The following FLVCR2 variants were observed in gnomAD, a reference collection of about 807,000 sequenced individuals.
The protein encoded by FLVCR2 is FLVCR choline and putative heme transporter 2.
Under a neutral mutation model 48.9 loss-of-function variants are expected in FLVCR2, and 38 were observed. That is an observed-to-expected ratio of 0.78 (90% CI 0.60 to 1.02). FLVCR2 has a LOEUF of 1.02. Ranked by LOEUF, FLVCR2 falls within the 50% of genes least tolerant of loss-of-function variation. The pLI is 0.00. For synonymous variants in FLVCR2, 255 were observed against 257.0 expected (o/e 0.99, Z 0.07); for missense variants, 664 against 663.3 (o/e 1.00, Z -0.01).
chr14:75,608,985 C>T (rs1163523102), intron 1 of FLVCR2, among the ~76,000 whole-genome samples: 1 of 152,212 alleles, frequency 6.6e-6, no homozygotes, highest in Non-Finnish European at 1.5e-5. Context: ...CTCCAGCCAG[C>T]TTCCCTATGT....
At chr14:75,628,001 C>T (rs866334480) in intron 3 of FLVCR2, among the ~76,000 whole-genome samples, 1 of 152,226 alleles carries the variant, frequency 6.6e-6, no homozygotes, top group Non-Finnish European at 1.5e-5. Context: ...GAAACTGAGG[C>T]TCTAGAGTTT....
At chr14:75,618,233 T>A (rs1889665908) in intron 1 of FLVCR2, among the ~76,000 whole-genome samples, 1 of 152,148 alleles carries the variant, frequency 6.6e-6, no homozygotes, top group Non-Finnish European at 1.5e-5. Context: ...GTCATACTTT[T>A]TCAGAGGCCA....
chr14:75,595,133 G>A (rs1888986591), intron 1 of FLVCR2, among the ~76,000 whole-genome samples: 1 of 152,160 alleles, frequency 6.6e-6, no homozygotes, highest in Non-Finnish European at 1.5e-5. Flanking sequence ...GGATTATGTT[G>A]TATTTAGCCC....
At chr14:75,642,142 C>T (rs911958210) in intron 9 of FLVCR2, among the ~76,000 whole-genome samples, 1 of 152,214 alleles carries the variant, frequency 6.6e-6, no homozygotes, top group Non-Finnish European at 1.5e-5. Flanking sequence ...TTCTGGAGCC[C>T]CCGGCCTCAT....
intron 1 of FLVCR2, among the ~76,000 whole-genome samples, chr14:75,583,439 A>C (rs1013836337): frequency 6.6e-6 from 1 of 152,132 alleles, no homozygotes; most frequent in African/African-American, 2.4e-5. Context: ...GAGTGGGGTA[A>C]GAGTGATTAG....
intron 1 of FLVCR2, among the ~76,000 whole-genome samples, chr14:75,589,018 A>T (rs998893825): frequency 5.9e-5 from 9 of 152,140 alleles, no homozygotes; most frequent in Non-Finnish European, 1.2e-4. Context: ...CTCTGAACCT[A>T]TGAAATTAAC....
intron 1 of FLVCR2, among the ~76,000 whole-genome samples, chr14:75,596,499 A>C (rs10143164): frequency 6.6e-6 from 1 of 152,064 alleles, no homozygotes; most frequent in Non-Finnish European, 1.5e-5. Flanking sequence ...TTCAGCTCCC[A>C]CCAATCATTG....
intron 1 of FLVCR2, among the ~76,000 whole-genome samples, chr14:75,615,048 C>T (rs1398941177): frequency 6.6e-6 from 1 of 152,196 alleles, no homozygotes; most frequent in Non-Finnish European, 1.5e-5. Flanking sequence ...TGGCTAAGAA[C>T]AGTAGCTGAG....
intron 1 of FLVCR2, among the ~76,000 whole-genome samples, chr14:75,596,465 A>T (rs1315434636): frequency 6.6e-6 from 1 of 152,080 alleles, no homozygotes; most frequent in Non-Finnish European, 1.5e-5. Flanking sequence ...GAGAGTTTTC[A>T]TCCTATCTAA....
At chr14:75,602,556 G>T (rs905235621) in intron 1 of FLVCR2, among the ~76,000 whole-genome samples, 1 of 151,912 alleles carries the variant, frequency 6.6e-6, no homozygotes, top group Admixed American at 6.5e-5. Context: ...AAATCCCAAG[G>T]ATTTTTGTAG....
chr14:75,582,470 C>A (rs1594787441), intron 1 of FLVCR2, among the ~76,000 whole-genome samples: 1 of 152,120 alleles, frequency 6.6e-6, no homozygotes, highest in Non-Finnish European at 1.5e-5. Flanking sequence ...GTTATGAGAA[C>A]TGTAGAGAGT....
At chr14:75,595,597 G>A (rs1888998484) in intron 1 of FLVCR2, among the ~76,000 whole-genome samples, 1 of 152,192 alleles carries the variant, frequency 6.6e-6, no homozygotes, top group South Asian at 2.1e-4. Flanking sequence ...GGTCTTTCAA[G>A]GTCTGAGGGA....
chr14:75,589,976 T>C (rs1888842979), intron 1 of FLVCR2, among the ~76,000 whole-genome samples: 1 of 152,208 alleles, frequency 6.6e-6, no homozygotes, highest in African/African-American at 2.4e-5. Context: ...CGATTTTGTG[T>C]TGCCATAATA....
intron 1 of FLVCR2, among the ~76,000 whole-genome samples, chr14:75,602,426 GGTGACCAGCCCCC>G (rs1889187929): frequency 6.6e-6 from 1 of 152,104 alleles, no homozygotes; most frequent in African/African-American, 2.4e-5. Flanking sequence ...TGGTCTTTCT[GGTGACCAGCCCCC>G]TCCTGAGGCT....
chr14:75,638,797 C>G (rs1372603449), intron 5 of FLVCR2, among the ~76,000 whole-genome samples: 1 of 152,188 alleles, frequency 6.6e-6, no homozygotes, highest in Non-Finnish European at 1.5e-5. Context: ...TGGCTTCATA[C>G]TTTACTAGTC....
rs370927493 is a variant in FLVCR2 at position 75,602,040 on chromosome 14, T to A, written c.670-20039T>A. On this transcript the variant is annotated intron_variant, in intron 1 of 9. Transcript: ENST00000238667. ...ACTTTACTCACATTTCCTAGTTTATTATAAAGGATACAACTCAGGAACAGC... is the reference window on the plus strand; with the variant it reads ...ACTTTACTCACATTTCCTAGTTTATAATAAAGGATACAACTCAGGAACAGC... 9.2e-5 allele frequency among the ~76,000 whole-genome samples: 14 copies of A among 152,306 alleles called. No individual in the cohort carries two copies. In the East Asian group the frequency reaches 1.7e-3, roughly 19 times the overall value.
intron 1 of FLVCR2, among the ~76,000 whole-genome samples, chr14:75,610,923 C>T (rs936513935): frequency 9.2e-5 from 14 of 152,198 alleles, no homozygotes; most frequent in Admixed American, 3.3e-4. Flanking sequence ...TACTGCAGAG[C>T]AGCCTGGAAA....
chr14:75,591,795 T>G (rs958656788), intron 1 of FLVCR2, among the ~76,000 whole-genome samples: 1 of 150,238 alleles, frequency 6.7e-6, no homozygotes, highest in Admixed American at 6.6e-5. Context: ...GCTCTCTTTT[T>G]CTCTTCATTC....
At chr14:75,597,172 T>G (rs1265058527) in intron 1 of FLVCR2, among the ~76,000 whole-genome samples, 2 of 151,698 alleles carry the variant, frequency 1.3e-5, no homozygotes, top group African/African-American at 4.8e-5. Context: ...TCCTAGCTAC[T>G]CAGGAGGCTG....
Sources: allele counts gnomAD v4.1 joint callset (sites outside exome capture counted in the v4.1 genomes callset), GRCh38; gene constraint gnomAD v4.1.1; transcripts MANE v1.5; gene names NCBI Gene and HGNC (gene_info 2026-07-23, HGNC 2026-07-21).